Variants in MRRF observed in about 807,000 individuals in gnomAD.
The protein encoded by MRRF is ribosome-recycling factor, mitochondrial.
MRRF carries 18 observed loss-of-function variants against 25.1 expected under a neutral mutation model. That is an observed-to-expected ratio of 0.72 (90% CI 0.50 to 1.06). MRRF has a LOEUF of 1.06. Ranked by LOEUF, MRRF falls within the 50% of genes least tolerant of loss-of-function variation. MRRF has a pLI of 0.00. For synonymous variants in MRRF, 113 were observed against 112.1 expected (o/e 1.01, Z -0.05); for missense variants, 323 against 319.3 (o/e 1.01, Z -0.09).
At chr9:122,276,282 T>C (rs1832766894) in intron 2 of MRRF, among the ~76,000 whole-genome samples, 1 of 152,150 alleles carries the variant, frequency 6.6e-6, no homozygotes, top group African/African-American at 2.4e-5. Flanking sequence ...CTTTAAATGC[T>C]TCCTATAAGG....
At chr9:122,302,488 T>A (rs1345317407) in intron 5 of MRRF, among the ~76,000 whole-genome samples, 1 of 152,262 alleles carries the variant, frequency 6.6e-6, no homozygotes, top group African/African-American at 2.4e-5. Flanking sequence ...TTCTTTCTAT[T>A]TGCATAATGT....
intron 5 of MRRF, 128 bp downstream of exon 5, chr9:122,291,968 C>A: frequency 1.3e-6 from 1 of 758,930 alleles, no homozygotes; most frequent in Non-Finnish European, 2.4e-6. Flanking sequence ...CCCTGGCAAA[C>A]ATCTTTTGAG....
chr9:122,267,159 A>G (rs1031450614), intron 1 of MRRF, among the ~76,000 whole-genome samples: 1 of 151,708 alleles, frequency 6.6e-6, no homozygotes, highest in Non-Finnish European at 1.5e-5. Context: ...CGGGCAGATC[A>G]CCTGAGGTAA....
At position 122,323,837 on chromosome 9, in the gene MRRF, A is replaced by G. The variant is rs770179256; in HGVS notation, c.*1220A>G. 1.1e-4 allele frequency: 16 copies of G among 152,204 alleles called. No homozygotes were observed. Among genetic ancestry groups the G allele is most frequent in the Admixed American group, 7.9e-4 (12 of 15,274 alleles). The allele number at this position is 152,204 out of a possible 1,614,324, so 9.4% of individuals were successfully genotyped here. ...CAAAGCAAAGCTGATCAGTGGTAGA[A>G]GGTTTTCATGATTCATTGTCAGCGT... is the stretch of plus-strand genomic sequence containing the variant. On this transcript the variant is annotated 3_prime_UTR_variant, in exon 7 of 7. Coordinates refer to ENST00000344641, the MANE Select transcript of MRRF (RefSeq NM_138777.5).
At chr9:122,277,463 A>T (rs780871315) in intron 2 of MRRF, among the ~76,000 whole-genome samples, 1 of 152,200 alleles carries the variant, frequency 6.6e-6, no homozygotes, top group Non-Finnish European at 1.5e-5. Flanking sequence ...TAAAAATCTT[A>T]CTGAGAATCT....
At chr9:122,300,400 C>T (rs933852467) in intron 5 of MRRF, among the ~76,000 whole-genome samples, 1 of 152,188 alleles carries the variant, frequency 6.6e-6, no homozygotes, top group Non-Finnish European at 1.5e-5. Context: ...TTTTTTGAAG[C>T]TTCAGCCTCC....
Position 122,299,537 on chromosome 9 carries a change from A to G in MRRF, c.551+7697A>G, listed in dbSNP as rs183964824. On this transcript the variant is annotated intron_variant, in intron 5 of 6. Coordinates refer to ENST00000344641, the MANE Select transcript of MRRF (RefSeq NM_138777.5). ...GGACAGATGTGGGCTAGAGAGATAA[A>G]TTTGGGAATCAGGAACTTATAAAGG... Among the ~76,000 whole-genome samples the G allele has an allele frequency of 4.2e-3, 636 of 152,206 alleles. 4 individuals are homozygous for G. The highest frequency in any genetic ancestry group is 7.6e-3 in the Non-Finnish European group (517 of 68,018).
chr9:122,291,070 C>T (rs1833728032), intron 4 of MRRF, among the ~76,000 whole-genome samples: 1 of 152,222 alleles, frequency 6.6e-6, no homozygotes, highest in Non-Finnish European at 1.5e-5. Flanking sequence ...TTCACTACCT[C>T]TCTGAGGTTT....
At chr9:122,310,884 A>G (rs1359369776) in intron 5 of MRRF, among the ~76,000 whole-genome samples, 1 of 152,244 alleles carries the variant, frequency 6.6e-6, no homozygotes. Flanking sequence ...TTTGGAAAAG[A>G]ATGAAAATAT....
At chr9:122,286,428 G>A (rs951361403) in intron 4 of MRRF, among the ~76,000 whole-genome samples, 22 of 152,282 alleles carry the variant, frequency 1.4e-4, no homozygotes, top group African/African-American at 5.3e-4. Context: ...TATTGTGCCA[G>A]GCGTGGTGGC....
intron 6 of MRRF, among the ~76,000 whole-genome samples, chr9:122,321,890 G>T (rs906764311): frequency 6.6e-6 from 1 of 152,006 alleles, no homozygotes; most frequent in African/African-American, 2.4e-5. Flanking sequence ...CTATATTGTA[G>T]AATAATAGTT....
At chr9:122,322,449 C>G in intron 6 of MRRF, 91 bp from the exon 7 acceptor site, 1 of 1,150,438 alleles carries the variant, frequency 8.7e-7, no homozygotes, top group African/African-American at 1.5e-5. Flanking sequence ...ATTATTATTT[C>G]TCACATAACC....
intron 6 of MRRF, 68 bp downstream of exon 6, chr9:122,313,454 G>A: frequency 6.5e-7 from 1 of 1,527,536 alleles, no homozygotes; most frequent in Non-Finnish European, 9.1e-7. Context: ...CATGTTTGAG[G>A]TGAGGACAGT....
At chr9:122,311,862 G>A (rs1244418706) in intron 5 of MRRF, among the ~76,000 whole-genome samples, 2 of 152,148 alleles carry the variant, frequency 1.3e-5, no homozygotes, top group African/African-American at 4.8e-5. Context: ...TTAAGTTCTT[G>A]AATCAGTGGA....
intron 3 of MRRF, among the ~76,000 whole-genome samples, chr9:122,281,525 G>A (rs1380296866): frequency 2.6e-5 from 4 of 152,218 alleles, no homozygotes; most frequent in South Asian, 2.1e-4. Context: ...GACTGTTCCC[G>A]TCACTTGTCA....
At chr9:122,321,880 C>G (rs147425930) in intron 6 of MRRF, among the ~76,000 whole-genome samples, 2 of 152,124 alleles carry the variant, frequency 1.3e-5, no homozygotes, top group South Asian at 4.2e-4. Context: ...ACTAGCTTCT[C>G]TATATTGTAG....
At chr9:122,309,953 A>G (rs1393280124) in intron 5 of MRRF, among the ~76,000 whole-genome samples, 1 of 152,218 alleles carries the variant, frequency 6.6e-6, no homozygotes, top group Non-Finnish European at 1.5e-5. Context: ...GTTGATTAAA[A>G]ACTTTCATTA....
At chr9:122,297,416 T>G (rs375195004) in intron 5 of MRRF, among the ~76,000 whole-genome samples, 6 of 152,286 alleles carry the variant, frequency 3.9e-5, no homozygotes, top group Admixed American at 2.0e-4. Context: ...GTCTGGTATC[T>G]CCTTCATTTT....
chr9:122,266,000 C>T (rs1304133319), intron 1 of MRRF, among the ~76,000 whole-genome samples: 1 of 152,212 alleles, frequency 6.6e-6, no homozygotes, highest in Admixed American at 6.5e-5. Context: ...GTGGAGGCAA[C>T]GCTGGGAAGC....
Sources: allele counts gnomAD v4.1 joint callset (sites outside exome capture counted in the v4.1 genomes callset), GRCh38; gene constraint gnomAD v4.1.1; transcripts MANE v1.5; gene names NCBI Gene and HGNC (gene_info 2026-07-23, HGNC 2026-07-21).